The following TSC2 variants were observed in gnomAD, a reference collection of about 807,000 sequenced individuals.
TSC2 encodes the protein tuberin.
In TSC2, 29 loss-of-function variants were observed where a neutral mutation model predicts 202.2. That is an observed-to-expected ratio of 0.14 (90% CI 0.11 to 0.20). The LOEUF (loss-of-function observed/expected upper bound fraction) is 0.20, where lower values mean the gene tolerates loss of function less well. TSC2 is among the 10% of genes least tolerant of loss of function. TSC2 has a pLI of 1.00. For synonymous variants in TSC2, 1,349 were observed against 1,044.0 expected (o/e 1.29, Z -5.63); for missense variants, 2,429 against 2,420.0 (o/e 1.00, Z -0.08).
rs556960258 is a variant in TSC2, at chr16:2,071,077, G to C, written c.1840-433G>C. 3.0e-4 allele frequency among the ~76,000 whole-genome samples: 45 copies of C among 152,316 alleles called. No homozygotes were observed. The South Asian group carries it at 5.0e-3, about 17-fold the overall frequency. On this transcript the variant is annotated intron_variant, in intron 17 of 41. Coordinates refer to ENST00000219476, the MANE Select transcript of TSC2 (RefSeq NM_000548.5). ...GCACCAGGCTGAGCAGAGGTGACTG[G>C]GATGGGAGCCCTCCCTCCTAGAGCA... is the stretch of plus-strand genomic sequence containing the variant.
rs566118686 is a variant in TSC2, at chr16:2,076,484, C to T, written c.2743-7C>T. The T allele has an allele frequency of 6.2e-7, 1 of 1,613,342 alleles. No homozygotes were observed. ...CCCTCACTGTCTGGGTGTGCTCACTCTGCCAGGGCCTGCGGTCCAATGTCC... is the reference window on the plus strand; with the variant it reads ...CCCTCACTGTCTGGGTGTGCTCACTTTGCCAGGGCCTGCGGTCCAATGTCC... On this transcript the variant is annotated splice_polypyrimidine_tract_variant and splice_region_variant and intron_variant, in intron 24 of 41. Transcript: ENST00000219476.
In TSC2 at chr16:2,084,680, C is replaced by T. The variant is rs761248238; in HGVS notation, c.4458C>T (p.Ala1486=). Reference sequence around the variant, plus strand: ...ACGCCTTAAAGAGCAGAGCCACAGCCTCCAATGCAGAGAAAGTGCCAGGCA... The same window carrying T: ...ACGCCTTAAAGAGCAGAGCCACAGCTTCCAATGCAGAGAAAGTGCCAGGCA... ...ERDALKSRAT[A]SNAEKVPGIN... Residue 1486 remains alanine, a synonymous_variant, in exon 34 of 42, where the codon GCC becomes GCT. Transcript: ENST00000219476. The T allele has an allele frequency of 6.3e-6, 10 of 1,598,466 alleles. No individual in the cohort carries two copies. In the Admixed American group the frequency reaches 1.0e-4, roughly 16 times the overall value.
rs1456373944 is a variant in TSC2, at chr16:2,079,685, A to C, written c.3397+16A>C. ...TCCATGTCGGGTGAGCCTTGGCCCC[A>C]GCCACCTCCACACAGGCACCGGGGC... On this transcript the variant is annotated intron_variant, in intron 29 of 41. Transcript: ENST00000219476. The surrounding 1 kb of genome is among the most constrained non-coding windows in gnomAD (Gnocchi z 4.6). 1.3e-6 allele frequency: 2 copies of C among 1,566,818 alleles called. No homozygotes were observed. The highest frequency in any genetic ancestry group is 1.7e-6 in the Non-Finnish European group (2 of 1,156,960).
intron 13 of TSC2, 178 bp downstream of exon 13, chr16:2,062,778 C>G (rs961407819): frequency 5.6e-6 from 5 of 888,002 alleles, no homozygotes; most frequent in Non-Finnish European, 8.8e-6. Flanking sequence ...AGGACAGGTC[C>G]TCTCATGACG....
chr16:2,076,410 CA>C, intron 24 of TSC2, 80 bp from the exon 25 acceptor site: 1 of 1,597,076 alleles, frequency 6.3e-7, no homozygotes, highest in Non-Finnish European at 8.6e-7. Flanking sequence ...TGTCCCTGGC[CA>C]GGGGGCACCC....
chr16:2,077,954 C>T (rs917958406), intron 26 of TSC2, among the ~76,000 whole-genome samples: 2 of 152,208 alleles, frequency 1.3e-5, no homozygotes, highest in African/African-American at 4.8e-5. Context: ...GGTGCCGCTC[C>T]GAGAGAGCCA....
At chr16:2,049,435 C>A (rs1027913183) in intron 2 of TSC2, among the ~76,000 whole-genome samples, 2 of 152,096 alleles carry the variant, frequency 1.3e-5, no homozygotes, top group Non-Finnish European at 2.9e-5. Flanking sequence ...ACATGCCTGG[C>A]ATTGTGTTTT....
Position 2,077,628 on chromosome 16 carries a change from C to T in TSC2, c.2868C>T (p.Gly956=), listed in dbSNP as rs141573736. The T allele has an allele frequency of 6.2e-7, 1 of 1,613,178 alleles. No homozygotes were observed. Among genetic ancestry groups the T allele is most frequent in the African/African-American group, 1.3e-5 (1 of 75,058 alleles). The change falls in exon 26 of 42, where the codon GGC becomes GGT. Residue 956 remains glycine (G), a synonymous_variant. Transcript: ENST00000219476. Reference sequence around the variant, plus strand: ...GGATAGCCAGACCCCCCAAACAAGGCTTGAATAACTCTCCACCCGTGAAAG... The same window carrying T: ...GGATAGCCAGACCCCCCAAACAAGGTTTGAATAACTCTCCACCCGTGAAAG... ...SLRIARPPKQ[G]LNNSPPVKEF...
rs45517162 is a variant in TSC2 at position 2,062,532 on chromosome 16, G to T, written c.1293G>T (p.Ala431=). The part of the protein sequence containing the change: ...SSLLNLISYR[A]QSIHPAKDGW... ...TCCTGAACCTGATCTCCTATAGAGC[G>T]CAGTCCATCCACCCGGCCAAGGACG... The change falls in exon 13 of 42, where the codon GCG becomes GCT. Residue 431 remains alanine, a synonymous_variant. Transcript: ENST00000219476. The T allele has an allele frequency of 4.3e-6, 7 of 1,612,322 alleles. No individual in the cohort carries two copies. The highest frequency in any genetic ancestry group is 5.9e-6 in the Non-Finnish European group (7 of 1,179,218).
intron 6 of TSC2, 197 bp from the exon 7 acceptor site, chr16:2,055,999 C>G (rs1596273987): frequency 1.0e-5 from 7 of 678,184 alleles, no homozygotes; most frequent in Non-Finnish European, 1.9e-5. Flanking sequence ...TGAGCTCTGT[C>G]TCACTCATGC....
intron 16 of TSC2, among the ~76,000 whole-genome samples, chr16:2,068,039 ATTTC>A (rs1371807187): frequency 1.3e-5 from 2 of 152,004 alleles, no homozygotes; most frequent in Non-Finnish European, 2.9e-5. Flanking sequence ...GGCTGCTTTC[ATTTC>A]TTTATTTTTT....
chr16:2,078,494 G>A (rs985882874), intron 26 of TSC2: 2 of 197,740 alleles, frequency 1.0e-5, no homozygotes, highest in South Asian at 9.3e-5. Flanking sequence ...AGCACATTCT[G>A]TATCATGAGC....
chr16:2,071,996 A>G (rs1354366259), intron 19 of TSC2, 62 bp downstream of exon 19: 27 of 1,512,890 alleles, frequency 1.8e-5, no homozygotes, highest in African/African-American at 2.8e-5. Context: ...GGGAGCTGCC[A>G]CCTGCCTGCT....
chr16:2,087,764 T>G, intron 38 of TSC2, 99 bp from the exon 39 acceptor site: 1 of 1,402,128 alleles, frequency 7.1e-7, no homozygotes, highest in Non-Finnish European at 9.9e-7. Context: ...ATGCTGCCCA[T>G]GGAGCTGACA....
At position 2,085,007 on chromosome 16, in the gene TSC2, C is replaced by T. The variant is rs1279603512; in HGVS notation, c.4550C>T (p.Pro1517Leu). The T allele has an allele frequency of 1.9e-6, 3 of 1,613,292 alleles. No individual in the cohort carries two copies. Among genetic ancestry groups the T allele is most frequent in the Non-Finnish European group, 2.5e-6 (3 of 1,179,996 alleles). ...TTCTTTGGCGACGAGTCAAACAAGCCAATCCTGCTGCCCAATGAGGTAGGC... is the reference window on the plus strand; with the variant it reads ...TTCTTTGGCGACGAGTCAAACAAGCTAATCCTGCTGCCCAATGAGGTAGGC... ...SPFFGDESNK[P>L]ILLPNESQSF... is the part of the protein sequence containing the mutation. The change falls in exon 35 of 42, where the codon CCA (proline) becomes CTA (leucine). Residue 1517 changes from proline to leucine, a missense_variant. Physicochemically the swap from Pro to Leu is moderately conservative, Grantham distance 98. Coordinates refer to ENST00000219476, the MANE Select transcript of TSC2 (RefSeq NM_000548.5).
chr16:2,061,740 T>C (rs1367942266), intron 11 of TSC2, 131 bp from the exon 12 acceptor site: 13 of 1,476,078 alleles, frequency 8.8e-6, no homozygotes, highest in Non-Finnish European at 1.1e-5. Flanking sequence ...GGGGCGTCTG[T>C]CCCCATGCGG....
At chr16:2,075,678 T>C (rs2089225416) in intron 22 of TSC2, 121 bp from the exon 23 acceptor site, 10 of 1,028,644 alleles carry the variant, frequency 9.7e-6, no homozygotes, top group Non-Finnish European at 1.5e-5. Flanking sequence ...CACGTCCGTG[T>C]GGCCGTGGCC....
In TSC2 at chr16:2,084,998, C is replaced by T; in HGVS notation, c.4541C>T (p.Ser1514Leu). ...CATTCCCCCTTCTTTGGCGACGAGT[C>T]AAACAAGCCAATCCTGCTGCCCAAT... ...LYHSPFFGDE[S>L]NKPILLPNES... Residue 1514 changes from serine (S) to leucine (L), a missense_variant, in exon 35 of 42, where the codon TCA becomes TTA. By Grantham distance (145) the Ser-to-Leu change is moderately radical (BLOSUM62 -2). Coordinates refer to ENST00000219476, the MANE Select transcript of TSC2 (RefSeq NM_000548.5). 1 of 1,613,234 alleles carries T rather than the reference C, an allele frequency of 6.2e-7. No homozygotes were observed. Among genetic ancestry groups the T allele is most frequent in the Non-Finnish European group, 8.5e-7 (1 of 1,179,998 alleles).
intron 1 of TSC2, 43 bp from the exon 2 acceptor site, chr16:2,048,544 G>A (rs770496882): frequency 1.3e-5 from 21 of 1,612,036 alleles, no homozygotes; most frequent in Non-Finnish European, 1.8e-5. Flanking sequence ...AAGGTGGGCA[G>A]AGGTGTTGCT....
Sources: allele counts gnomAD v4.1 joint callset (sites outside exome capture counted in the v4.1 genomes callset), GRCh38; gene constraint gnomAD v4.1.1; non-coding constraint Gnocchi (gnomAD v3.1); transcripts MANE v1.5; gene names NCBI Gene and HGNC (gene_info 2026-07-23, HGNC 2026-07-21).